The following RTTN variants were observed in gnomAD, a reference collection of about 807,000 sequenced individuals.
RTTN encodes the protein rotatin.
In RTTN, 182 loss-of-function variants were observed where a neutral mutation model predicts 269.2. That is an observed-to-expected ratio of 0.68 (90% CI 0.60 to 0.76). The LOEUF (loss-of-function observed/expected upper bound fraction) is 0.76, where lower values mean the gene tolerates loss of function less well. Among genes scored for constraint, RTTN ranks in the 30% least tolerant of loss-of-function variants. The pLI is 0.00. For synonymous variants in RTTN, 1,006 were observed against 963.5 expected, an observed-to-expected ratio of 1.04 and a Z score of -0.82; for missense variants, 2,545 against 2,608.6, an observed-to-expected ratio of 0.98 and a Z score of 0.53.
At chr18:70,163,227 C>T (rs1178976181) in intron 14 of RTTN, among the ~76,000 whole-genome samples, 4 of 151,538 alleles carry the variant, frequency 2.6e-5, no homozygotes, top group Non-Finnish European at 5.9e-5. Context: ...ACTAAAAATA[C>T]AAAACTTAGC....
At chr18:70,082,910 C>T (rs2058608591) in intron 32 of RTTN, among the ~76,000 whole-genome samples, 1 of 152,088 alleles carries the variant, frequency 6.6e-6, no homozygotes, top group African/African-American at 2.4e-5. Context: ...CCAGGCTAGT[C>T]TCAAACTCCT....
At chr18:70,199,378 G>T in intron 5 of RTTN, 36 bp downstream of exon 5, 2 of 1,431,748 alleles carry the variant, frequency 1.4e-6, no homozygotes, top group Non-Finnish European at 2.0e-6. Context: ...GACTATAAGT[G>T]AACAAAAATA....
intron 11 of RTTN, 99 bp downstream of exon 11, chr18:70,176,576 C>A: frequency 8.9e-7 from 1 of 1,124,222 alleles, no homozygotes; most frequent in Non-Finnish European, 1.2e-6. Flanking sequence ...GCCTAAAGCA[C>A]AATACCTTCA....
At chr18:70,188,870 G>T in intron 9 of RTTN, among the ~76,000 whole-genome samples, 1 of 139,214 alleles carries the variant, frequency 7.2e-6, no homozygotes, top group Non-Finnish European at 1.6e-5. Flanking sequence ...TTCCCACCCC[G>T]CATCCCAAAG....
At chr18:70,012,320 T>C (rs1034043772) in intron 46 of RTTN, among the ~76,000 whole-genome samples, 1 of 150,036 alleles carries the variant, frequency 6.7e-6, no homozygotes, top group African/African-American at 2.5e-5. Flanking sequence ...TGCTCACTGG[T>C]ACTGGTTAGA....
chr18:70,111,745 G>T (rs977485507), intron 27 of RTTN, among the ~76,000 whole-genome samples: 1 of 152,200 alleles, frequency 6.6e-6, no homozygotes, highest in African/African-American at 2.4e-5. Flanking sequence ...ATATTATCCA[G>T]AAGAACTTCC....
At chr18:70,110,152 G>A (rs544384899) in intron 27 of RTTN, among the ~76,000 whole-genome samples, 1 of 151,990 alleles carries the variant, frequency 6.6e-6, no homozygotes, top group South Asian at 2.1e-4. Context: ...GATCTCTTAA[G>A]CCCTGGAGCT....
rs1405867375 is a variant in RTTN, at chr18:70,176,682, A to G, written c.1469T>C (p.Val490Ala). The change falls in exon 11 of 49, where the codon GTT becomes GCT. Residue 490 changes from valine to alanine, a missense_variant. By Grantham distance (64) the Val-to-Ala change is moderately conservative. Coordinates refer to ENST00000640769, the MANE Select transcript of RTTN (RefSeq NM_173630.4). ...AVRLLQTLLP[V>A]EKASEFLSEP... ...CAGCATTGCCTGCCTTACCTTTTCA[A>G]CAGGGAGAAGCGTTTGTAGCAGTCG... is the stretch of plus-strand genomic sequence containing the variant. 1 of 1,612,734 alleles carries G rather than the reference A, an allele frequency of 6.2e-7. No individual in the cohort carries two copies.
chr18:70,014,044 A>G (rs567391882), intron 46 of RTTN, among the ~76,000 whole-genome samples: 1 of 152,306 alleles, frequency 6.6e-6, no homozygotes, highest in South Asian at 2.1e-4. Context: ...TAAGTTTTCA[A>G]TTTTGGCCAC....
At chr18:70,134,864 A>G (rs2060086213) in intron 22 of RTTN, among the ~76,000 whole-genome samples, 1 of 152,174 alleles carries the variant, frequency 6.6e-6, no homozygotes, top group African/African-American at 2.4e-5. Context: ...ATATCTTCCG[A>G]GGTTTTTTAA....
chr18:70,151,109 A>G (rs1036993706), intron 14 of RTTN, among the ~76,000 whole-genome samples: 21 of 149,736 alleles, frequency 1.4e-4, no homozygotes, highest in African/African-American at 5.1e-4. Flanking sequence ...AAAGACTTCA[A>G]GGACTTCAAG....
At chr18:70,021,855 A>T (rs1328680754) in intron 44 of RTTN, among the ~76,000 whole-genome samples, 2 of 152,158 alleles carry the variant, frequency 1.3e-5, no homozygotes, top group Non-Finnish European at 2.9e-5. Flanking sequence ...TAAGCCATCA[A>T]CAGCATCTGG....
intron 28 of RTTN, among the ~76,000 whole-genome samples, chr18:70,094,240 A>G (rs566539012): frequency 6.6e-6 from 1 of 152,096 alleles, no homozygotes; most frequent in East Asian, 1.9e-4. Flanking sequence ...TCTTTTCCAA[A>G]ACACCAGCTC....
intron 4 of RTTN, among the ~76,000 whole-genome samples, chr18:70,201,337 T>C (rs2061939621): frequency 6.6e-6 from 1 of 152,034 alleles, no homozygotes; most frequent in Non-Finnish European, 1.5e-5. Context: ...GCGCGGTGGC[T>C]CACGCCTGTA....
intron 39 of RTTN, among the ~76,000 whole-genome samples, chr18:70,050,445 G>A (rs1361067882): frequency 6.6e-6 from 1 of 152,222 alleles, no homozygotes; most frequent in Non-Finnish European, 1.5e-5. Flanking sequence ...AGGATGTGGA[G>A]AAAATGGGAA....
intron 44 of RTTN, chr18:70,021,126 G>C (rs974665195): frequency 4.5e-6 from 1 of 223,582 alleles, no homozygotes; most frequent in Admixed American, 5.6e-5. Flanking sequence ...CCTGTGTAAA[G>C]GAACAGAATT....
chr18:70,205,339 A>G (rs759968462), intron 1 of RTTN, 24 bp from the exon 2 acceptor site: 2 of 1,611,682 alleles, frequency 1.2e-6, no homozygotes, highest in Middle Eastern at 1.7e-4. Flanking sequence ...GCACAAAACT[A>G]TTTTATTTCC....
At chr18:70,108,276 C>CA (rs71178848) in intron 28 of RTTN, among the ~76,000 whole-genome samples, 2,545 of 146,272 alleles carry the variant, frequency 0.017, 68 homozygotes, top group African/African-American at 0.062. Context: ...GACTCTGTCT[C>CA]AAAAAAAAAA....
intron 19 of RTTN, among the ~76,000 whole-genome samples, chr18:70,141,230 A>T (rs1000264024): frequency 2.0e-5 from 3 of 152,174 alleles, no homozygotes; most frequent in Non-Finnish European, 4.4e-5. Flanking sequence ...TGTCAAGACA[A>T]GAAGTGCTAA....
Sources: allele counts gnomAD v4.1 joint callset (sites outside exome capture counted in the v4.1 genomes callset), GRCh38; gene constraint gnomAD v4.1.1; transcripts MANE v1.5; gene names NCBI Gene and HGNC (gene_info 2026-07-23, HGNC 2026-07-21).